TATDN1: variants seen among roughly 807,000 people sequenced by gnomAD.
TATDN1 encodes deoxyribonuclease TATDN1.
In TATDN1, 40 loss-of-function variants were observed where a neutral mutation model predicts 46.4. The observed-to-expected ratio is 0.86, with a 90% CI of 0.67 to 1.12. TATDN1 has a LOEUF of 1.12. Ranked by LOEUF, TATDN1 falls within the 50% of genes most tolerant of loss-of-function variation. The pLI, the probability that TATDN1 is intolerant of heterozygous loss-of-function variation, is 0.00. For synonymous variants in TATDN1, 95 were observed against 105.6 expected (o/e 0.90, Z 0.62); for missense variants, 326 against 348.4 (o/e 0.94, Z 0.51).
intron 9 of TATDN1, among the ~76,000 whole-genome samples, chr8:124,502,437 T>C (rs975275189): frequency 6.6e-6 from 1 of 151,512 alleles, no homozygotes; most frequent in South Asian, 2.1e-4. Context: ...ATTTTCAAAA[T>C]GGGAAGATGT....
intron 2 of TATDN1, 110 bp from the exon 3 acceptor site, chr8:124,522,310 C>A: frequency 1.4e-6 from 1 of 719,970 alleles, no homozygotes; most frequent in Non-Finnish European, 2.5e-6. Flanking sequence ...AAATTATAAA[C>A]TTCTACAGGT....
intron 9 of TATDN1, among the ~76,000 whole-genome samples, chr8:124,497,875 A>C (rs373252425): frequency 1.2e-4 from 18 of 152,154 alleles, no homozygotes; most frequent in African/African-American, 3.9e-4. Context: ...AAATATATGT[A>C]GTTTGTATAA....
At chr8:124,501,771 AAGGACGG>A (rs1480159464) in intron 9 of TATDN1, among the ~76,000 whole-genome samples, 1 of 152,196 alleles carries the variant, frequency 6.6e-6, no homozygotes, top group Admixed American at 6.5e-5. Context: ...ATCAAATTCC[AAGGACGG>A]GTAAAGATGT....
intron 9 of TATDN1, among the ~76,000 whole-genome samples, chr8:124,500,387 T>C (rs1817850845): frequency 6.6e-6 from 1 of 152,176 alleles, no homozygotes; most frequent in African/African-American, 2.4e-5. Context: ...ACTAACATCC[T>C]AATGAACTCA....
intron 3 of TATDN1, among the ~76,000 whole-genome samples, chr8:124,519,902 C>T (rs757942914): frequency 5.3e-5 from 8 of 152,048 alleles, no homozygotes; most frequent in African/African-American, 1.4e-4. Flanking sequence ...GCGTAAGGGG[C>T]GCCTTCTTCT....
In TATDN1 at chr8:124,513,516, T is replaced by A. The variant is rs984889561; in HGVS notation, c.389+2230A>T. Among the ~76,000 whole-genome samples, 7 of 152,358 alleles carry A rather than the reference T, an allele frequency of 4.6e-5. 2 individuals carry two copies. Among genetic ancestry groups the A allele is most frequent in the Admixed American group, 4.6e-4 (7 of 15,306 alleles). On this transcript the variant is annotated intron_variant, in intron 6 of 11. Coordinates refer to ENST00000276692, the MANE Select transcript of TATDN1 (RefSeq NM_032026.4). ...TGGTAATCATTTACTGAATGTAGTT[T>A]GAACCTCTCTATTAGCAATTAACGC...
At chr8:124,490,517 AAG>A (rs1816889669) in intron 11 of TATDN1, among the ~76,000 whole-genome samples, 1 of 152,254 alleles carries the variant, frequency 6.6e-6, no homozygotes, top group East Asian at 1.9e-4. Context: ...CTCCAAAAAA[AAG>A]AAAAAAGAAA....
At chr8:124,533,756 G>C (rs985261831) in intron 1 of TATDN1, among the ~76,000 whole-genome samples, 13 of 152,004 alleles carry the variant, frequency 8.6e-5, no homozygotes, top group African/African-American at 3.1e-4. Context: ...CTTGGTCGAG[G>C]GGGGTTCTGT....
chr8:124,520,083 AGC>A lies in TATDN1; in HGVS notation c.139-1204_139-1203del, dbSNP rs1232285899. 1.2e-4 allele frequency among the ~76,000 whole-genome samples: 19 copies of A among 152,378 alleles called. No homozygotes were observed. The South Asian group carries it at 3.9e-3, about 32-fold the overall frequency. On this transcript the variant is annotated intron_variant, in intron 3 of 11. Transcript: ENST00000276692. ...AGCTATTTAAATCTTTAATATGATTAGCTATTGCATATCCATTCCGGAAACAT... is the reference window on the plus strand; with the variant it reads ...AGCTATTTAAATCTTTAATATGATTATATTGCATATCCATTCCGGAAACAT...
chr8:124,492,641 C>T (rs1482021908), intron 11 of TATDN1, among the ~76,000 whole-genome samples: 1 of 150,586 alleles, frequency 6.6e-6, no homozygotes, highest in Non-Finnish European at 1.5e-5. Flanking sequence ...ATAGTTCCAG[C>T]TACTTGGGAG....
chr8:124,524,641 T>C (rs1435034308), intron 1 of TATDN1, among the ~76,000 whole-genome samples: 3 of 152,190 alleles, frequency 2.0e-5, no homozygotes, highest in Admixed American at 2.0e-4. Context: ...TCATAACACT[T>C]GTCAAAGACT....
intron 9 of TATDN1, 84 bp from the exon 10 acceptor site, chr8:124,495,626 A>G: frequency 9.5e-7 from 1 of 1,050,450 alleles, no homozygotes; most frequent in Non-Finnish European, 1.4e-6. Context: ...AAAATGCTAC[A>G]AAACCAACCC....
chr8:124,508,377 A>G, intron 8 of TATDN1, 97 bp downstream of exon 8: 2 of 1,039,482 alleles, frequency 1.9e-6, no homozygotes, highest in Non-Finnish European at 2.9e-6. Flanking sequence ...AGTGCTTAAA[A>G]AGGTTCAGAT....
In TATDN1 at chr8:124,522,926, G is replaced by A; in HGVS notation, c.88+11C>T. On this transcript the variant is annotated intron_variant, in intron 2 of 11. Coordinates refer to ENST00000276692, the MANE Select transcript of TATDN1 (RefSeq NM_032026.4). ...TAGGAAACTATTCGCCTTAATAAAG[G>A]AAATATTTACCTTGATGCTTTTGAA... The A allele has an allele frequency of 6.2e-7, 1 of 1,608,190 alleles. No homozygotes were observed. Among genetic ancestry groups the A allele is most frequent in the Non-Finnish European group, 8.5e-7 (1 of 1,175,046 alleles).
At chr8:124,490,758 T>C (rs999913614) in intron 11 of TATDN1, among the ~76,000 whole-genome samples, 8 of 151,874 alleles carry the variant, frequency 5.3e-5, no homozygotes, top group African/African-American at 1.5e-4. Flanking sequence ...GTTTTTGTTT[T>C]TTTTTTTTGA....
At chr8:124,490,315 G>A (rs1816858999) in intron 11 of TATDN1, 2 of 152,220 alleles carry the variant, frequency 1.3e-5, no homozygotes, top group African/African-American at 4.8e-5. Context: ...TTCGAGACCA[G>A]TGTGGGCAAT....
intron 10 of TATDN1, 57 bp from the exon 11 acceptor site, chr8:124,494,016 G>T (rs1817247738): frequency 2.0e-6 from 3 of 1,504,742 alleles, no homozygotes; most frequent in Admixed American, 4.7e-5. Flanking sequence ...AATTTTTTAT[G>T]ACCATTATCT....
chr8:124,506,417 G>A (rs1818440809), intron 8 of TATDN1, among the ~76,000 whole-genome samples: 1 of 151,308 alleles, frequency 6.6e-6, no homozygotes, highest in African/African-American at 2.4e-5. Context: ...CTGAAGGTTA[G>A]GATAAATACC....
intron 6 of TATDN1, among the ~76,000 whole-genome samples, chr8:124,514,369 T>A (rs1315301085): frequency 1.3e-5 from 2 of 152,190 alleles, no homozygotes; most frequent in Non-Finnish European, 1.5e-5. Context: ...TATCACCATA[T>A]GACAAAATTA....
Sources: allele counts gnomAD v4.1 joint callset (sites outside exome capture counted in the v4.1 genomes callset), GRCh38; gene constraint gnomAD v4.1.1; transcripts MANE v1.5; gene names NCBI Gene and HGNC (gene_info 2026-07-23, HGNC 2026-07-21).